The following SPEF2 variants were observed in gnomAD, a reference collection of about 807,000 sequenced individuals.
SPEF2 encodes the protein sperm flagella and cilia-associated protein 2.
Under a neutral mutation model 224.6 loss-of-function variants are expected in SPEF2, and 187 were observed. The ratio of observed to expected loss-of-function variants is 0.83; its 90% confidence interval spans 0.74 to 0.94. The LOEUF (loss-of-function observed/expected upper bound fraction) is 0.94. SPEF2 is among the 40% of genes least tolerant of loss of function. The pLI, the probability that SPEF2 is intolerant of heterozygous loss-of-function variation, is 0.00. For missense variants in SPEF2, 2,170 were observed against 2,135.6 expected, an observed-to-expected ratio of 1.02 and a Z score of -0.32; for synonymous variants, 715 against 707.3, an observed-to-expected ratio of 1.01 and a Z score of -0.17.
chr5:35,770,079 G>C (rs866901629), intron 26 of SPEF2, among the ~76,000 whole-genome samples: 1 of 149,514 alleles, frequency 6.7e-6, no homozygotes, highest in African/African-American at 2.5e-5. Context: ...ATTCTTTCCT[G>C]GGTTCTCATT....
intron 12 of SPEF2, among the ~76,000 whole-genome samples, chr5:35,693,593 A>G (rs1754845923): frequency 6.6e-6 from 1 of 152,168 alleles, no homozygotes; most frequent in Non-Finnish European, 1.5e-5. Context: ...CATTCTGCAG[A>G]GCACACAGTA....
chr5:35,702,316 T>A (rs1372773518), intron 16 of SPEF2: 15 of 455,998 alleles, frequency 3.3e-5, no homozygotes, highest in Non-Finnish European at 5.7e-5. Flanking sequence ...AGGGCTGGGC[T>A]GAGGTAAATG....
At chr5:35,756,772 C>T (rs1750507838) in intron 24 of SPEF2, among the ~76,000 whole-genome samples, 1 of 152,190 alleles carries the variant, frequency 6.6e-6, no homozygotes, top group South Asian at 2.1e-4. Context: ...GCTATCTACT[C>T]TAGCCTTCTT....
chr5:35,761,169 A>G (rs1751233917), intron 25 of SPEF2, among the ~76,000 whole-genome samples: 1 of 152,184 alleles, frequency 6.6e-6, no homozygotes, highest in Admixed American at 6.5e-5. Context: ...AACGCAGGAT[A>G]ATGAATATAT....
chr5:35,646,716 C>T lies in SPEF2; in HGVS notation c.635C>T (p.Ala212Val), dbSNP rs779049489. The change falls in exon 5 of 37, where the codon GCA (alanine) becomes GTA (valine). Residue 212 changes from alanine (A) to valine (V), a missense_variant. By Grantham distance (64) the Ala-to-Val change is moderately conservative (BLOSUM62 0). Transcript: ENST00000356031. ...RQNEIMAKIQ[A>V]AIIQIPKPAS... ...AATGAAATAATGGCCAAAATCCAAG[C>T]AGCTATTATACAGATTCCTAAACCT... The T allele has an allele frequency of 6.2e-7, 1 of 1,613,698 alleles. No homozygotes were observed. Among genetic ancestry groups the T allele is most frequent in the East Asian group, 2.2e-5 (1 of 44,826 alleles).
At chr5:35,659,639 A>G (rs1749434729) in intron 8 of SPEF2, among the ~76,000 whole-genome samples, 1 of 152,172 alleles carries the variant, frequency 6.6e-6, no homozygotes, top group Admixed American at 6.5e-5. Context: ...TTCCTTGAAT[A>G]TCTTAAATAT....
At chr5:35,643,628 G>A (rs1431649247) in intron 3 of SPEF2, 7 of 445,954 alleles carry the variant, frequency 1.6e-5, no homozygotes, top group Non-Finnish European at 1.4e-5. Flanking sequence ...AATGGTTCAT[G>A]TGGAAGAGGT....
Position 35,697,785 on chromosome 5 carries a change from T to C in SPEF2, c.2133T>C (p.Asn711=). The change falls in exon 15 of 37, where the codon AAT becomes AAC. Residue 711 remains asparagine (N), a synonymous_variant. Transcript: ENST00000356031. ...PDVLLVDIIV[N]AINEIPVNQD... ...TGCTGCTTGTTGACATCATAGTAAA[T>C]GCTATTAAGTATGTATTGCATTTTT... 7.5e-6 allele frequency: 12 copies of C among 1,609,878 alleles called. No individual in the cohort carries two copies. Among genetic ancestry groups the C allele is most frequent in the Non-Finnish European group, 1.0e-5 (12 of 1,177,116 alleles).
chr5:35,811,952 T>A (rs1023790757), intron 36 of SPEF2, among the ~76,000 whole-genome samples: 1 of 151,840 alleles, frequency 6.6e-6, no homozygotes, highest in Admixed American at 6.6e-5. Flanking sequence ...GCCCGACTAA[T>A]TTCTCCATAT....
At chr5:35,774,412 C>A (rs959259087) in intron 28 of SPEF2, among the ~76,000 whole-genome samples, 9 of 152,028 alleles carry the variant, frequency 5.9e-5, no homozygotes, top group African/African-American at 2.2e-4. Context: ...TTTTATATTA[C>A]AGTAAGAATA....
intron 1 of SPEF2, among the ~76,000 whole-genome samples, chr5:35,626,062 G>T (rs1744199350): frequency 6.6e-6 from 1 of 152,214 alleles, no homozygotes; most frequent in African/African-American, 2.4e-5. Context: ...CCTAGGTTAT[G>T]AAGCTCAAGC....
intron 19 of SPEF2, among the ~76,000 whole-genome samples, chr5:35,711,200 A>T (rs543474876): frequency 6.6e-6 from 1 of 152,344 alleles, no homozygotes; most frequent in South Asian, 2.1e-4. Context: ...TGAAAAGAGG[A>T]ATTATTCACT....
At chr5:35,618,178 C>CGTAGCCGGCAGCATCCCACAGT in intron 1 of SPEF2, 123 bp downstream of exon 1, 1 of 1,046,124 alleles carries the variant, frequency 9.6e-7, no homozygotes, top group Non-Finnish European at 1.4e-6. Context: ...GGGGCACCTG[C>CGTAGCCGGCAGCATCCCACAGT]GTAGCCGGCA....
rs755569627 is a variant in SPEF2 at position 35,807,142 on chromosome 5, A to G, written c.5268A>G (p.Lys1756=). The G allele has an allele frequency of 6.2e-7, 1 of 1,611,656 alleles. No homozygotes were observed. Among genetic ancestry groups the G allele is most frequent in the Admixed American group, 1.7e-5 (1 of 59,388 alleles). The change falls in exon 36 of 37, where the codon AAA becomes AAG. Residue 1756 remains lysine, a synonymous_variant. Transcript: ENST00000356031. ...IENIYAEGFI[K]TFQDLGAKNL... ...TTTCTTCCTTAAAGGGCTTCATAAA[A>G]ACATTTCAAGACCTAGGTGCCAAGA... is the stretch of plus-strand genomic sequence containing the variant.
chr5:35,746,275 T>C (rs1447811608), intron 23 of SPEF2, among the ~76,000 whole-genome samples: 1 of 151,876 alleles, frequency 6.6e-6, no homozygotes, highest in Non-Finnish European at 1.5e-5. Flanking sequence ...TTTAACACCG[T>C]GAAAAAATCA....
chr5:35,810,561 G>A (rs1175945818), intron 36 of SPEF2, among the ~76,000 whole-genome samples: 1 of 152,108 alleles, frequency 6.6e-6, no homozygotes, highest in African/African-American at 2.4e-5. Flanking sequence ...AAGTACTATT[G>A]GCATTTGGAG....
chr5:35,643,537 G>C (rs776631369), intron 3 of SPEF2: 3 of 455,970 alleles, frequency 6.6e-6, no homozygotes, highest in Non-Finnish European at 1.3e-5. Flanking sequence ...GAGAAAAAGA[G>C]TCAGTGGCAG....
At chr5:35,770,114 C>A (rs941272311) in intron 26 of SPEF2, among the ~76,000 whole-genome samples, 6 of 151,226 alleles carry the variant, frequency 4.0e-5, no homozygotes, top group African/African-American at 9.7e-5. Context: ...TCATAAACAA[C>A]CTTCGCCTCC....
intron 20 of SPEF2, among the ~76,000 whole-genome samples, chr5:35,725,465 T>G (rs1744478944): frequency 6.6e-6 from 1 of 152,160 alleles, no homozygotes; most frequent in Admixed American, 6.5e-5. Context: ...AAGCAGACTT[T>G]CCCTATCTTT....
Sources: allele counts gnomAD v4.1 joint callset (sites outside exome capture counted in the v4.1 genomes callset), GRCh38; gene constraint gnomAD v4.1.1; transcripts MANE v1.5; gene names NCBI Gene and HGNC (gene_info 2026-07-23, HGNC 2026-07-21).